Variants in STXBP6 observed in about 807,000 individuals in gnomAD.
STXBP6 encodes syntaxin-binding protein 6.
A neutral mutation model predicts 26.9 loss-of-function variants in STXBP6; 21 were observed. The ratio of observed to expected loss-of-function variants is 0.78; its 90% CI spans 0.55 to 1.12. STXBP6 has a LOEUF of 1.12. STXBP6 is among the 50% of genes most tolerant of loss of function. The pLI, the probability that STXBP6 is intolerant of heterozygous loss-of-function variation, is 0.00. For synonymous variants in STXBP6, 97 were observed against 92.6 expected, an observed-to-expected ratio of 1.05 and a Z score of -0.27; for missense variants, 232 against 257.9, an observed-to-expected ratio of 0.90 and a Z score of 0.69.
intron 1 of STXBP6, among the ~76,000 whole-genome samples, chr14:25,033,279 T>C (rs1485920637): frequency 1.3e-5 from 2 of 152,172 alleles, no homozygotes; most frequent in Admixed American, 6.5e-5. Context: ...CTTCTTTCTA[T>C]TTCTCCATAC....
At chr14:24,978,889 C>T (rs1034842430) in intron 1 of STXBP6, among the ~76,000 whole-genome samples, 5 of 152,116 alleles carry the variant, frequency 3.3e-5, no homozygotes, top group African/African-American at 4.8e-5. Flanking sequence ...GTAGATGAAG[C>T]GCATAAGCAA....
chr14:25,020,916 C>T (rs950587513), intron 1 of STXBP6, among the ~76,000 whole-genome samples: 1 of 152,176 alleles, frequency 6.6e-6, no homozygotes, highest in African/African-American at 2.4e-5. Context: ...CAACTGTGCA[C>T]CTGGACACTG....
chr14:25,032,044 A>G (rs1351768429), intron 1 of STXBP6, among the ~76,000 whole-genome samples: 2 of 152,196 alleles, frequency 1.3e-5, no homozygotes, highest in Admixed American at 1.3e-4. Context: ...TACAGACAGG[A>G]AGATAGAAAG....
intron 2 of STXBP6, among the ~76,000 whole-genome samples, chr14:24,943,744 A>T (rs2057500): frequency 0.8 from 121,859 of 152,204 alleles, 48,854 homozygotes; most frequent in African/African-American, 0.85. Flanking sequence ...GAATAAAAAT[A>T]TGTTTCAGTG....
intron 2 of STXBP6, among the ~76,000 whole-genome samples, chr14:24,896,021 GA>G (rs1412433194): frequency 1.3e-5 from 2 of 152,108 alleles, no homozygotes; most frequent in African/African-American, 2.4e-5. Context: ...GGTGTCTTTG[GA>G]GGGGCTGGAG....
chr14:24,988,682 T>C (rs2074392884), intron 1 of STXBP6, among the ~76,000 whole-genome samples: 1 of 152,210 alleles, frequency 6.6e-6, no homozygotes, highest in African/African-American at 2.4e-5. Flanking sequence ...TTCTGTGCAA[T>C]GGGTGTGCCC....
intron 2 of STXBP6, among the ~76,000 whole-genome samples, chr14:24,919,449 A>C (rs1284634193): frequency 1.3e-5 from 2 of 152,094 alleles, no homozygotes; most frequent in South Asian, 2.1e-4. Flanking sequence ...ATAAAAAAAA[A>C]ACAAATTTTA....
chr14:24,946,626 C>CA (rs1253893378), intron 2 of STXBP6, among the ~76,000 whole-genome samples: 1 of 152,116 alleles, frequency 6.6e-6, no homozygotes, highest in Admixed American at 6.6e-5. Flanking sequence ...CGGAGGGTCT[C>CA]AGTCAGACCA....
At chr14:25,029,013 CT>C (rs1186279164) in intron 1 of STXBP6, among the ~76,000 whole-genome samples, 1 of 152,132 alleles carries the variant, frequency 6.6e-6, no homozygotes, top group Non-Finnish European at 1.5e-5. Flanking sequence ...TGAGGAGTTG[CT>C]TCTTATGGAT....
At chr14:24,986,792 G>A (rs1295512776) in intron 1 of STXBP6, among the ~76,000 whole-genome samples, 2 of 152,182 alleles carry the variant, frequency 1.3e-5, no homozygotes, top group African/African-American at 4.8e-5. Flanking sequence ...GTTCACTTAA[G>A]CTACAAACTA....
chr14:24,967,855 C>T (rs2073782196), intron 2 of STXBP6, among the ~76,000 whole-genome samples: 1 of 152,134 alleles, frequency 6.6e-6, no homozygotes, highest in South Asian at 2.1e-4. Context: ...AAAACACGGT[C>T]CTCTCCACCA....
At chr14:24,819,492 A>G (rs1295944565) in intron 4 of STXBP6, 1 of 552,078 alleles carries the variant, frequency 1.8e-6, no homozygotes, top group East Asian at 2.9e-5. Context: ...GCTCAAAAGG[A>G]TGGGGCCTGT....
At chr14:24,919,756 A>T (rs2071914408) in intron 2 of STXBP6, among the ~76,000 whole-genome samples, 1 of 152,044 alleles carries the variant, frequency 6.6e-6, no homozygotes, top group Non-Finnish European at 1.5e-5. Context: ...TGTTAATGAA[A>T]ACAGTAGTGG....
chr14:24,818,008 T>C (rs1251360208), intron 5 of STXBP6: 2 of 456,248 alleles, frequency 4.4e-6, no homozygotes, highest in Non-Finnish European at 8.8e-6. Context: ...GCAACTCAGC[T>C]GGGAATATTC....
chr14:24,998,564 A>G (rs910074473), intron 1 of STXBP6, among the ~76,000 whole-genome samples: 1 of 152,218 alleles, frequency 6.6e-6, no homozygotes, highest in Non-Finnish European at 1.5e-5. Flanking sequence ...AATAGAGAGC[A>G]TGACCTCTTG....
intron 2 of STXBP6, among the ~76,000 whole-genome samples, chr14:24,931,067 C>T (rs1190585630): frequency 3.0e-5 from 4 of 133,064 alleles, no homozygotes; most frequent in Admixed American, 7.8e-5. Context: ...GCCGAGATTG[C>T]GCCACTGCAG....
At position 25,049,948 on chromosome 14, in the gene STXBP6, G is replaced by T; in HGVS notation, c.-103C>A. On this transcript the variant is annotated 5_prime_UTR_variant, in exon 1 of 6. Coordinates refer to ENST00000323944, the MANE Select transcript of STXBP6 (RefSeq NM_001394410.1). This position sits in a 1 kb window ranked among gnomAD's most constrained non-coding sequence, Gnocchi z 5.6. ...GTCCCAGAGCACGAGGCTCCTCCCC[G>T]GGGGGCTGCCCCGCGCGGGGCTCCG... 1 of 908,896 alleles carries T rather than the reference G, an allele frequency of 1.1e-6. No individual in the cohort carries two copies. Among genetic ancestry groups the T allele is most frequent in the Non-Finnish European group, 1.3e-6 (1 of 761,060 alleles). 56.3% of individuals were successfully genotyped at this position (908,896 alleles called of 1,614,324 possible). A position where few individuals can be genotyped will look rare whatever the true frequency, so the allele number is the denominator to read the frequency against.
At chr14:24,993,585 T>C (rs1030865421) in intron 1 of STXBP6, among the ~76,000 whole-genome samples, 5 of 152,170 alleles carry the variant, frequency 3.3e-5, no homozygotes, top group African/African-American at 1.2e-4. Flanking sequence ...CTGAAATGCC[T>C]GGGGTAGATT....
chr14:24,877,851 C>A (rs1444150921), intron 2 of STXBP6, among the ~76,000 whole-genome samples: 1 of 152,166 alleles, frequency 6.6e-6, no homozygotes, highest in Admixed American at 6.5e-5. Flanking sequence ...CTTCTATAAG[C>A]AATGTAACAT....
Sources: gnomAD v4.1 joint callset for allele counts (sites outside exome capture counted in the v4.1 genomes callset) on GRCh38, gnomAD v4.1.1 for gene constraint, Gnocchi (gnomAD v3.1) non-coding constraint, MANE v1.5 for transcripts, NCBI Gene and HGNC (gene_info 2026-07-23, HGNC 2026-07-21) for gene names.